ASXL2: variants seen among roughly 807,000 people sequenced by gnomAD.
The protein encoded by ASXL2 is putative Polycomb group protein ASXL2.
ASXL2 carries 23 observed loss-of-function variants against 122.0 expected under a neutral mutation model. The ratio of observed to expected loss-of-function variants is 0.19; its 90% CI spans 0.14 to 0.27. ASXL2 has a LOEUF of 0.27. Ranked by LOEUF, ASXL2 falls within the 10% of genes least tolerant of loss-of-function variation. The pLI, the probability that ASXL2 is intolerant of heterozygous loss-of-function variation, is 1.00. For missense variants in ASXL2, 1,518 were observed against 1,713.8 expected, an observed-to-expected ratio of 0.89 and a Z score of 2.02; for synonymous variants, 650 against 637.0, an observed-to-expected ratio of 1.02 and a Z score of -0.31.
chr2:25,815,823 A>T (rs75551268), intron 3 of ASXL2, among the ~76,000 whole-genome samples: 1 of 152,212 alleles, frequency 6.6e-6, no homozygotes, highest in Non-Finnish European at 1.5e-5. Context: ...GCCAGTTTAC[A>T]TCGTGTTTCC....
intron 8 of ASXL2, among the ~76,000 whole-genome samples, chr2:25,765,498 A>G (rs542275983): frequency 2.4e-4 from 37 of 152,234 alleles, no homozygotes; most frequent in Non-Finnish European, 4.6e-4. Context: ...AAGAAAAAAA[A>G]AAAGAAAATA....
chr2:25,769,006 AAATT>A, intron 6 of ASXL2, 138 bp from the exon 7 acceptor site: 1 of 1,025,814 alleles, frequency 9.7e-7, no homozygotes, highest in Admixed American at 2.8e-5. Flanking sequence ...ACAAAAACCT[AAATT>A]AAGCTAACTC....
chr2:25,845,248 A>G (rs755333362), intron 2 of ASXL2: 5 of 574,568 alleles, frequency 8.7e-6, no homozygotes, highest in East Asian at 4.6e-5. Flanking sequence ...ATTAAAGTGC[A>G]TGGGCTTAAA....
chr2:25,877,667 G>A (rs906456090), intron 1 of ASXL2, among the ~76,000 whole-genome samples: 1 of 152,162 alleles, frequency 6.6e-6, no homozygotes, highest in African/African-American at 2.4e-5. Flanking sequence ...TCTGCTCCGG[G>A]AGCCAGACAA....
rs529959710 is a variant in ASXL2, at chr2:25,811,482, C to T, written c.144-5145G>A. ...TACGGCAGACAAAAGATTAATAGTC[C>T]TAAGAAGATATTCTTTAGGAAAACA... On this transcript the variant is annotated intron_variant, in intron 3 of 12. Coordinates refer to ENST00000435504, the MANE Select transcript of ASXL2 (RefSeq NM_018263.6). Among the ~76,000 whole-genome samples the T allele has an allele frequency of 2.2e-3, 331 of 151,712 alleles. 1 individual carries two copies. Among genetic ancestry groups the T allele is most frequent in the African/African-American group, 7.8e-3 (324 of 41,396 alleles).
intron 8 of ASXL2, among the ~76,000 whole-genome samples, chr2:25,761,682 A>G (rs2088249558): frequency 6.6e-6 from 1 of 151,820 alleles, no homozygotes; most frequent in Admixed American, 6.6e-5. Flanking sequence ...CAAAAAAAAA[A>G]AAAAAAAAAA....
chr2:25,796,218 T>A (rs569650550), intron 5 of ASXL2, among the ~76,000 whole-genome samples: 1 of 152,324 alleles, frequency 6.6e-6, no homozygotes, highest in Admixed American at 6.5e-5. Flanking sequence ...ATAGTAACCA[T>A]TCTGAAGGGA....
At chr2:25,859,229 A>AC in intron 1 of ASXL2, among the ~76,000 whole-genome samples, 1 of 152,186 alleles carries the variant, frequency 6.6e-6, no homozygotes, top group East Asian at 1.9e-4. Context: ...GGCACACACC[A>AC]CCACACCCAG....
intron 6 of ASXL2, among the ~76,000 whole-genome samples, chr2:25,771,096 C>T (rs760538690): frequency 5.3e-5 from 8 of 151,986 alleles, no homozygotes; most frequent in South Asian, 4.2e-4. Context: ...ATTAGCTGGG[C>T]GTGGTGGCAG....
In ASXL2 at chr2:25,759,618, T is replaced by C; in HGVS notation, c.803A>G (p.Asp268Gly). 2 of 1,613,420 alleles carry C rather than the reference T, an allele frequency of 1.2e-6. No individual in the cohort carries two copies. The highest frequency in any genetic ancestry group is 1.7e-6 in the Non-Finnish European group (2 of 1,179,492). The change falls in exon 9 of 13, where the codon GAC becomes GGC. Residue 268 changes from aspartate to glycine, a missense_variant. Physicochemically the swap from Asp to Gly is moderately conservative, Grantham distance 94 (BLOSUM62 -1). Transcript: ENST00000435504. ...TRQMKRTKCA[D>G]IDVETPDSIL... ...GGAGTCCGGTGTCTCAACGTCAATG[T>C]CAGCACATTTAGTTCTTTTCATTTG...
intron 2 of ASXL2, among the ~76,000 whole-genome samples, chr2:25,841,409 T>C (rs1007970363): frequency 3.3e-5 from 5 of 152,216 alleles, no homozygotes; most frequent in African/African-American, 1.2e-4. Flanking sequence ...AAGTAGGTTT[T>C]AAATACTTGT....
In ASXL2 at chr2:25,743,204, T is replaced by G. The variant is rs1271000028; in HGVS notation, c.3133A>C (p.Arg1045=). 10 of 1,613,830 alleles carry G rather than the reference T, an allele frequency of 6.2e-6. No homozygotes were observed. The highest frequency in any genetic ancestry group is 8.5e-6 in the Non-Finnish European group (10 of 1,179,852). Residue 1045 remains arginine, a synonymous_variant, in exon 13 of 13, where the codon AGG becomes CGG. Coordinates refer to ENST00000435504, the MANE Select transcript of ASXL2 (RefSeq NM_018263.6). ...TGGTGTGTGTCAATGCTGGAGTCCC[T>G]CAGCTCCTTAGCTGAAAAGAGCTGA... ...PLQLFSAKEL[R]DSSIDTHQYH...
At chr2:25,762,072 A>G (rs1346912338) in intron 8 of ASXL2, among the ~76,000 whole-genome samples, 1 of 152,170 alleles carries the variant, frequency 6.6e-6, no homozygotes, top group Non-Finnish European at 1.5e-5. Flanking sequence ...TTAAGTCTAG[A>G]TAGAAAAGAT....
chr2:25,773,555 A>C (rs2088493914), intron 5 of ASXL2, among the ~76,000 whole-genome samples: 1 of 151,244 alleles, frequency 6.6e-6, no homozygotes, highest in Non-Finnish European at 1.5e-5. Flanking sequence ...AGTCCCAGCT[A>C]CTCAGGAGAC....
intron 5 of ASXL2, among the ~76,000 whole-genome samples, chr2:25,785,954 C>T (rs1319902853): frequency 6.6e-6 from 1 of 152,168 alleles, no homozygotes; most frequent in African/African-American, 2.4e-5. Context: ...GGAAAACATG[C>T]AGGCAAACCT....
intron 1 of ASXL2, among the ~76,000 whole-genome samples, chr2:25,873,110 GAGTCCCCAA>G (rs1407954189): frequency 6.6e-6 from 1 of 151,292 alleles, no homozygotes; most frequent in Non-Finnish European, 1.5e-5. Context: ...TCCCCACCCA[GAGTCCCCAA>G]AGTCCATTCC....
intron 12 of ASXL2, among the ~76,000 whole-genome samples, chr2:25,748,588 G>A (rs149601304): frequency 6.6e-6 from 1 of 151,712 alleles, no homozygotes; most frequent in Admixed American, 6.6e-5. Flanking sequence ...AACTAATTTT[G>A]GTTCACCTCA....
chr2:25,865,785 A>C lies in ASXL2; in HGVS notation c.57+12381T>G, dbSNP rs575482875. On this transcript the variant is annotated intron_variant, in intron 1 of 12. Transcript: ENST00000435504. ...GCAAGACTCCGTCTCAAAAAAAAAAAAAAAAAAAAAAAAAAAATCCAATAT... is the reference window on the plus strand; with the variant it reads ...GCAAGACTCCGTCTCAAAAAAAAAACAAAAAAAAAAAAAAAAATCCAATAT... 4.0e-5 allele frequency among the ~76,000 whole-genome samples: 6 copies of C among 150,842 alleles called. No individual in the cohort carries two copies. In the East Asian group the frequency reaches 1.2e-3, roughly 29 times the overall value.
At chr2:25,755,381 T>C (rs1206429460) in intron 10 of ASXL2, among the ~76,000 whole-genome samples, 1 of 152,218 alleles carries the variant, frequency 6.6e-6, no homozygotes, top group Non-Finnish European at 1.5e-5. Flanking sequence ...AGATACTATA[T>C]GCAGTGCCCA....
Sources: allele counts gnomAD v4.1 joint callset (sites outside exome capture counted in the v4.1 genomes callset), GRCh38; gene constraint gnomAD v4.1.1; transcripts MANE v1.5; gene names NCBI Gene and HGNC (gene_info 2026-07-23, HGNC 2026-07-21).